ABRACL: variants seen among roughly 807,000 people sequenced by gnomAD.
ABRACL encodes ABRA C-terminal like, also known as costars family protein ABRACL.
In ABRACL, 4 loss-of-function variants were observed where a neutral mutation model predicts 7.0. That is an observed-to-expected ratio of 0.57 (90% CI 0.28 to 1.30). The LOEUF is 1.30. Among genes scored for constraint, ABRACL ranks in the 50% most tolerant of loss-of-function variants. The probability of loss-of-function intolerance (pLI) is 0.10; values close to 1 mark genes in which losing one functional copy is unlikely to be tolerated. For missense variants in ABRACL, 104 were observed against 97.3 expected (o/e 1.07, Z -0.29); for synonymous variants, 30 against 36.0 (o/e 0.83, Z 0.60).
chr6:139,035,108 C>T lies in ABRACL; in HGVS notation c.61+887C>T, dbSNP rs1490642950. ...TTATAGTTTGATTCTTCTTAAAGCACTATCTGTTCCTGAATCACAAATCCT... is the reference window on the plus strand; with the variant it reads ...TTATAGTTTGATTCTTCTTAAAGCATTATCTGTTCCTGAATCACAAATCCT... On this transcript the variant is annotated intron_variant, in intron 2 of 2. Coordinates refer to ENST00000367660, the MANE Select transcript of ABRACL (RefSeq NM_021243.3). 2.0e-5 allele frequency among the ~76,000 whole-genome samples: 3 copies of T among 152,232 alleles called. No individual in the cohort carries two copies. The East Asian group carries it at 5.8e-4, about 29-fold the overall frequency.
intron 2 of ABRACL, among the ~76,000 whole-genome samples, chr6:139,039,353 A>G (rs1399265538): frequency 1.3e-5 from 2 of 152,232 alleles, no homozygotes; most frequent in Non-Finnish European, 2.9e-5. Flanking sequence ...CTTATCTTCC[A>G]TGAAATACAG....
chr6:139,030,403 A>G (rs541342475), intron 1 of ABRACL, among the ~76,000 whole-genome samples: 24 of 151,762 alleles, frequency 1.6e-4, no homozygotes, highest in African/African-American at 5.1e-4. Context: ...ATACCCATCA[A>G]CCTCTCTTCA....
At chr6:139,041,701 A>T (rs1262821393) in intron 2 of ABRACL, among the ~76,000 whole-genome samples, 1 of 151,750 alleles carries the variant, frequency 6.6e-6, no homozygotes, top group Non-Finnish European at 1.5e-5. Flanking sequence ...ATCCAATCAC[A>T]TACTGCTTTG....
In ABRACL at chr6:139,041,531, A is replaced by ATATATTT. The variant is rs748288046; in HGVS notation, c.62-1187_62-1186insATATTTT. ...TGTGTGTGTATATATATATATATAT[A>ATATATTT]TTTTTTTTTAGGAGAGACATGGTCT... On this transcript the variant is annotated intron_variant, in intron 2 of 2. Transcript: ENST00000367660. 1.7e-4 allele frequency among the ~76,000 whole-genome samples: 22 copies of ATATATTT among 126,038 alleles called. 1 individual carries two copies. The highest frequency in any genetic ancestry group is 5.6e-4 in the African/African-American group (18 of 32,348). The allele number at this position is 126,038 out of a possible 152,430, so 82.7% of individuals were successfully genotyped here.
At chr6:139,036,819 A>G (rs1786165049) in intron 2 of ABRACL, among the ~76,000 whole-genome samples, 1 of 152,044 alleles carries the variant, frequency 6.6e-6, no homozygotes, top group African/African-American at 2.4e-5. Context: ...TCCCATCTCT[A>G]CAAAAAAATA....
At chr6:139,042,541 T>A (rs1352458106) in intron 2 of ABRACL, among the ~76,000 whole-genome samples, 178 bp from the exon 3 acceptor site, 1 of 152,240 alleles carries the variant, frequency 6.6e-6, no homozygotes. Flanking sequence ...TAGCATGTAT[T>A]TATTCCATTA....
At chr6:139,031,106 C>A (rs1786076034) in intron 1 of ABRACL, among the ~76,000 whole-genome samples, 1 of 152,178 alleles carries the variant, frequency 6.6e-6, no homozygotes. Flanking sequence ...GAGATAACAT[C>A]TTTCCGGGGT....
At chr6:139,040,170 C>G (rs578240848) in intron 2 of ABRACL, among the ~76,000 whole-genome samples, 2 of 152,280 alleles carry the variant, frequency 1.3e-5, no homozygotes, top group East Asian at 3.9e-4. Flanking sequence ...GTTTCTTCCA[C>G]ATTTTTTCTT....
chr6:139,038,930 A>G (rs1212936695), intron 2 of ABRACL, among the ~76,000 whole-genome samples: 4 of 152,202 alleles, frequency 2.6e-5, no homozygotes, highest in Non-Finnish European at 4.4e-5. Flanking sequence ...ACATTAAAAA[A>G]TCTCTAAAAT....
intron 2 of ABRACL, among the ~76,000 whole-genome samples, chr6:139,037,843 T>C (rs1582901004): frequency 6.6e-6 from 1 of 151,624 alleles, no homozygotes; most frequent in African/African-American, 2.4e-5. Context: ...GTGGTGCGAT[T>C]TTGGCTCACT....
In ABRACL at chr6:139,034,145, T is replaced by C. The variant is rs1394567516; in HGVS notation, c.-6-10T>C. On this transcript the variant is annotated splice_polypyrimidine_tract_variant and intron_variant, in intron 1 of 2. Coordinates refer to ENST00000367660, the MANE Select transcript of ABRACL (RefSeq NM_021243.3). ...GGTGATAATTTAGACTTCCTTTTTT[T>C]CTCTCCCAGGCAGCAATGAATGTGG... 1 of 1,614,072 alleles carries C rather than the reference T, an allele frequency of 6.2e-7. No individual in the cohort carries two copies. Among genetic ancestry groups the C allele is most frequent in the South Asian group, 1.1e-5 (1 of 91,074 alleles).
At position 139,041,493 on chromosome 6, in the gene ABRACL, A is replaced by ATG. The variant is rs770093258; in HGVS notation, c.62-1206_62-1205dup. ...TATTTCTATATTTCTATATATATAT[A>ATG]TGTGTGTGTGTGTGTGTGTGTATAT... On this transcript the variant is annotated intron_variant, in intron 2 of 2. Coordinates refer to ENST00000367660, the MANE Select transcript of ABRACL (RefSeq NM_021243.3). 8.4e-3 allele frequency among the ~76,000 whole-genome samples: 1,034 copies of ATG among 122,426 alleles called. 20 individuals are homozygous for ATG. Among genetic ancestry groups the ATG allele is most frequent in the Admixed American group, 0.044 (462 of 10,554 alleles). 80.3% of individuals were successfully genotyped at this position (122,426 alleles called of 152,430 possible).
intron 2 of ABRACL, among the ~76,000 whole-genome samples, chr6:139,038,365 T>G (rs984552656): frequency 3.9e-5 from 6 of 152,254 alleles, no homozygotes; most frequent in Admixed American, 3.9e-4. Context: ...ATACCTTGAC[T>G]TTCTCATTCC....
At chr6:139,029,498 C>G (rs2114292974) in intron 1 of ABRACL, among the ~76,000 whole-genome samples, 1 of 152,094 alleles carries the variant, frequency 6.6e-6, no homozygotes, top group South Asian at 2.1e-4. Context: ...GCTGCGGAGA[C>G]AAAGACTTCC....
intron 2 of ABRACL, 133 bp downstream of exon 2, chr6:139,034,354 C>G: frequency 6.4e-7 from 1 of 1,574,278 alleles, no homozygotes; most frequent in Non-Finnish European, 8.6e-7. Context: ...GCCCACAGCC[C>G]CAGGTTATAA....
At chr6:139,031,890 C>T (rs1247216788) in intron 1 of ABRACL, among the ~76,000 whole-genome samples, 2 of 152,000 alleles carry the variant, frequency 1.3e-5, no homozygotes, top group Non-Finnish European at 2.9e-5. Flanking sequence ...CTGCTGGTGC[C>T]AGAATGGGAA....
intron 2 of ABRACL, among the ~76,000 whole-genome samples, chr6:139,042,122 A>C (rs978860863): frequency 4.6e-5 from 7 of 152,192 alleles, no homozygotes; most frequent in African/African-American, 1.7e-4. Flanking sequence ...ATTGATGTTT[A>C]ACAACAGATC....
intron 2 of ABRACL, among the ~76,000 whole-genome samples, chr6:139,036,658 A>C (rs1346065665): frequency 6.6e-6 from 1 of 152,166 alleles, no homozygotes; most frequent in Non-Finnish European, 1.5e-5. Context: ...CCTTTTCCTC[A>C]GGGATTTTAC....
intron 2 of ABRACL, 79 bp from the exon 3 acceptor site, chr6:139,042,640 T>C: frequency 7.3e-7 from 1 of 1,364,214 alleles, no homozygotes. Context: ...ATAAATTTAT[T>C]AAAGATTTTG....
Sources: allele counts gnomAD v4.1 joint callset (sites outside exome capture counted in the v4.1 genomes callset), GRCh38; gene constraint gnomAD v4.1.1; transcripts MANE v1.5; gene names NCBI Gene and HGNC (gene_info 2026-07-23, HGNC 2026-07-21).